The following MID1 variants were observed in gnomAD, a reference collection of about 807,000 sequenced individuals.
MID1 encodes the protein midline 1, also known as E3 ubiquitin-protein ligase Midline-1.
A neutral mutation model predicts 40.4 loss-of-function variants in MID1; 7 were observed. That is an observed-to-expected ratio of 0.17 (90% CI 0.10 to 0.33). The LOEUF (loss-of-function observed/expected upper bound fraction) is 0.33, where lower values mean the gene tolerates loss of function less well. Ranked by LOEUF, MID1 falls within the 10% of genes least tolerant of loss-of-function variation. MID1 has a pLI of 1.00. For synonymous variants in MID1, 229 were observed against 221.2 expected (o/e 1.04, Z -0.31); for missense variants, 367 against 558.5 (o/e 0.66, Z 3.46).
chrX:10,614,268 G>A (rs915360079), intron 1 of MID1, among the ~76,000 whole-genome samples: 7 of 111,754 alleles, frequency 6.3e-5, no homozygotes, highest in Admixed American at 1.9e-4. Flanking sequence ...ACCCACAAAC[G>A]CCATAATTCC....
chrX:10,585,958 A>G lies in MID1; in HGVS notation c.-56-18355T>C, dbSNP rs1040816810. On this transcript the variant is annotated intron_variant, in intron 1 of 9. Coordinates refer to ENST00000317552, the MANE Select transcript of MID1 (RefSeq NM_000381.4). ...TTTTTTGTTTTGTTTTGTTTTGGCT[A>G]ACACTTTACTTGTATCGTTTATGAG... 1.7e-4 allele frequency among the ~76,000 whole-genome samples: 19 copies of G among 111,504 alleles called. No individual in the cohort carries two copies. In the East Asian group the frequency reaches 3.1e-3, roughly 18 times the overall value.
chrX:10,637,974 A>T (rs767531228), intron 1 of MID1, among the ~76,000 whole-genome samples: 116 of 109,581 alleles, frequency 1.1e-3, no homozygotes, highest in Middle Eastern at 4.7e-3. Context: ...TTTCTTTTTT[A>T]AAAAAAGTAC....
chrX:10,511,019 C>T (rs933387779), intron 3 of MID1, among the ~76,000 whole-genome samples: 9 of 108,977 alleles, frequency 8.3e-5, no homozygotes, highest in Non-Finnish European at 1.7e-4. Context: ...CCAAGGCGGG[C>T]AGATCACTTG....
At chrX:10,604,309 T>C (rs369675390) in intron 1 of MID1, among the ~76,000 whole-genome samples, 2 of 111,798 alleles carry the variant, frequency 1.8e-5, no homozygotes, top group East Asian at 5.6e-4. Context: ...TGCTGGATCA[T>C]TAGACAAGAG....
At chrX:10,728,140 A>AG (rs1425454407) in intron 1 of MID1, among the ~76,000 whole-genome samples, 2 of 111,902 alleles carry the variant, frequency 1.8e-5, no homozygotes, top group Non-Finnish European at 3.8e-5. Flanking sequence ...AATATTTCAT[A>AG]GGCTTAAAGA....
chrX:10,595,347 G>A (rs975368312), intron 1 of MID1, among the ~76,000 whole-genome samples: 3 of 111,330 alleles, frequency 2.7e-5, no homozygotes, highest in Admixed American at 9.6e-5. Context: ...ATTTCTTTAT[G>A]GGGATGATTA....
At chrX:10,696,104 C>T (rs1467647804) in intron 1 of MID1, among the ~76,000 whole-genome samples, 1 of 111,207 alleles carries the variant, frequency 9.0e-6, no homozygotes, top group East Asian at 2.8e-4. Context: ...ACACCTAAAA[C>T]TGGTCATCAG....
intron 1 of MID1, among the ~76,000 whole-genome samples, chrX:10,748,844 C>T (rs1447467776): frequency 4.5e-5 from 5 of 111,253 alleles, no homozygotes; most frequent in Non-Finnish European, 9.4e-5. Context: ...CCTAGGAAAG[C>T]ATGTTAGTAT....
intron 1 of MID1, among the ~76,000 whole-genome samples, chrX:10,729,957 A>G (rs1012837312): frequency 1.8e-5 from 2 of 108,892 alleles, no homozygotes; most frequent in East Asian, 5.7e-4. Flanking sequence ...GGTGGCGGGC[A>G]CCTGTAGTCC....
intron 1 of MID1, among the ~76,000 whole-genome samples, chrX:10,823,653 A>AAATAAATATATATATAT (rs1305796815): frequency 9.1e-6 from 1 of 110,378 alleles, no homozygotes; most frequent in East Asian, 2.8e-4. Flanking sequence ...ATACATATAT[A>AAATAAATATATATATAT]ATATATATAA....
intron 1 of MID1, among the ~76,000 whole-genome samples, chrX:10,601,732 C>T (rs111824938): frequency 1.8e-5 from 2 of 111,168 alleles, no homozygotes; most frequent in African/African-American, 6.6e-5. Context: ...CATATACATA[C>T]ACACACACGT....
At chrX:10,591,199 T>C in intron 1 of MID1, among the ~76,000 whole-genome samples, 1 of 112,518 alleles carries the variant, frequency 8.9e-6, no homozygotes, top group Non-Finnish European at 1.9e-5. Flanking sequence ...TAAATATGAA[T>C]ACTGATTAGA....
intron 2 of MID1, among the ~76,000 whole-genome samples, chrX:10,534,886 G>T (rs901390473): frequency 2.7e-5 from 3 of 112,676 alleles, no homozygotes; most frequent in Non-Finnish European, 5.6e-5. Flanking sequence ...GCATGCCATT[G>T]TTTTTCAGCT....
At chrX:10,615,621 T>C (rs1475903178) in intron 1 of MID1, among the ~76,000 whole-genome samples, 1 of 111,994 alleles carries the variant, frequency 8.9e-6, no homozygotes, top group African/African-American at 3.2e-5. Flanking sequence ...CAATTTTCTG[T>C]GCTCCTACTA....
intron 1 of MID1, among the ~76,000 whole-genome samples, chrX:10,788,545 G>A (rs776840487): frequency 1.2e-4 from 13 of 109,219 alleles, no homozygotes; most frequent in African/African-American, 1.3e-4. Context: ...ATAAACCCAC[G>A]TGGCAAAAAG....
intron 1 of MID1, among the ~76,000 whole-genome samples, chrX:10,717,560 C>T (rs2043314653): frequency 9.1e-6 from 1 of 109,994 alleles, no homozygotes; most frequent in Admixed American, 9.7e-5. Flanking sequence ...TCCTTAGAGA[C>T]CTACAAAGAG....
chrX:10,622,345 C>T (rs754856030), upstream of MID1, among the ~76,000 whole-genome samples: 1 of 111,526 alleles, frequency 9.0e-6, no homozygotes, highest in South Asian at 3.8e-4. Flanking sequence ...CGTCTGCCTT[C>T]TGCTTTCATC....
intron 1 of MID1, chrX:10,589,789 C>T (rs1203392304): frequency 9.0e-6 from 1 of 110,691 alleles, no homozygotes; most frequent in African/African-American, 3.3e-5. Flanking sequence ...CAGGCTAAAG[C>T]CACCTAAGGA....
rs1170214071 is a variant in MID1, at chrX:10,465,187, T to TTATATA, written c.1285+4504_1285+4509dup. On this transcript the variant is annotated intron_variant, in intron 7 of 9. Transcript: ENST00000317552. Reference sequence around the variant, plus strand: ...CAGCAGAGCAAGACTGTCTGAAATTTTATATATATATATATATATATATAT... The same window carrying TTATATA: ...CAGCAGAGCAAGACTGTCTGAAATTTTATATATATATATATATATATATATATATAT... Among the ~76,000 whole-genome samples, 62 of 48,027 alleles carry TTATATA rather than the reference T, an allele frequency of 1.3e-3. 1 individual carries two copies. Among genetic ancestry groups the TTATATA allele is most frequent in the South Asian group, 3.9e-3 (3 of 775 alleles). The allele number at this position is 48,027 out of a possible 115,157, so 41.7% of individuals were successfully genotyped here. A position where few individuals can be genotyped will look rare whatever the true frequency, so the allele number is the denominator to read the frequency against.
Sources: gnomAD v4.1 joint callset for allele counts (sites outside exome capture counted in the v4.1 genomes callset) on GRCh38, gnomAD v4.1.1 for gene constraint, MANE v1.5 for transcripts, NCBI Gene and HGNC (gene_info 2026-07-23, HGNC 2026-07-21) for gene names.